Variants in EFCAB13 observed in about 807,000 individuals in gnomAD.
EFCAB13 encodes the protein EF-hand calcium-binding domain-containing protein 13.
Under a neutral mutation model 110.2 loss-of-function variants are expected in EFCAB13, and 91 were observed. The observed-to-expected ratio is 0.83, with a 90% confidence interval of 0.70 to 0.98. EFCAB13 has a LOEUF of 0.98. EFCAB13 is among the 50% of genes least tolerant of loss of function. The probability of loss-of-function intolerance (pLI) is 0.00; values close to 1 mark genes in which losing one functional copy is unlikely to be tolerated. For missense variants in EFCAB13, 968 were observed against 1,119.4 expected (o/e 0.86, Z 1.93); for synonymous variants, 323 against 369.9 (o/e 0.87, Z 1.45).
intron 21 of EFCAB13, among the ~76,000 whole-genome samples, chr17:47,412,570 T>C (rs1004150676): frequency 6.6e-6 from 1 of 152,224 alleles, no homozygotes; most frequent in African/African-American, 2.4e-5. Context: ...ATCATATTAT[T>C]CTCTTTGCCA....
At chr17:47,370,317 T>C in intron 10 of EFCAB13, 120 bp from the exon 11 acceptor site, 3 of 710,470 alleles carry the variant, frequency 4.2e-6, no homozygotes, top group Non-Finnish European at 5.0e-6. Context: ...CAAGACTTTG[T>C]AATAGTTGGC....
chr17:47,382,619 TG>T (rs1172875920), intron 14 of EFCAB13, among the ~76,000 whole-genome samples: 1 of 152,206 alleles, frequency 6.6e-6, no homozygotes, highest in Non-Finnish European at 1.5e-5. Context: ...GATAATCATG[TG>T]GTTTTTGTCA....
chr17:47,333,520 T>C (rs1212740575), intron 4 of EFCAB13, among the ~76,000 whole-genome samples: 1 of 152,182 alleles, frequency 6.6e-6, no homozygotes, highest in Admixed American at 6.5e-5. Context: ...CCCAGACCAA[T>C]GTGGTAGAGC....
intron 11 of EFCAB13, among the ~76,000 whole-genome samples, chr17:47,371,062 G>GTTGTTTT (rs2065581312): frequency 9.2e-6 from 1 of 108,994 alleles, no homozygotes; most frequent in African/African-American, 3.7e-5. Context: ...TTTAATGGTT[G>GTTGTTTT]TTTTTTTTTT....
At chr17:47,363,354 A>C (rs1598734192) in intron 10 of EFCAB13, among the ~76,000 whole-genome samples, 1 of 152,080 alleles carries the variant, frequency 6.6e-6, no homozygotes, top group African/African-American at 2.4e-5. Context: ...GGCATGAGCC[A>C]CTGGGCCCAG....
At chr17:47,350,927 G>A (rs1212666573) in intron 9 of EFCAB13, among the ~76,000 whole-genome samples, 2 of 151,906 alleles carry the variant, frequency 1.3e-5, no homozygotes, top group Admixed American at 6.6e-5. Context: ...TTTTTTATTT[G>A]TATAAATTTA....
intron 23 of EFCAB13, among the ~76,000 whole-genome samples, chr17:47,421,226 T>A (rs1170678387): frequency 2.6e-5 from 4 of 151,972 alleles, no homozygotes; most frequent in Admixed American, 2.6e-4. Context: ...GGGAAAAGAT[T>A]GAGAAATCGG....
intron 20 of EFCAB13, among the ~76,000 whole-genome samples, chr17:47,407,152 G>A (rs943404709): frequency 1.3e-5 from 2 of 152,116 alleles, no homozygotes; most frequent in Non-Finnish European, 1.5e-5. Flanking sequence ...GAGGAATGAA[G>A]GGGACTTTAC....
At chr17:47,412,422 C>T (rs530407570) in intron 21 of EFCAB13, among the ~76,000 whole-genome samples, 1 of 152,302 alleles carries the variant, frequency 6.6e-6, no homozygotes, top group Admixed American at 6.5e-5. Flanking sequence ...GCTTCAATCT[C>T]AAATTTTAGC....
intron 10 of EFCAB13, among the ~76,000 whole-genome samples, chr17:47,368,330 G>A (rs1040516469): frequency 2.6e-5 from 4 of 152,092 alleles, no homozygotes; most frequent in African/African-American, 9.7e-5. Context: ...TGGAACATTC[G>A]TGTCTATTGT....
intron 23 of EFCAB13, among the ~76,000 whole-genome samples, chr17:47,424,163 C>G (rs1330656499): frequency 2.0e-5 from 3 of 152,310 alleles, no homozygotes; most frequent in East Asian, 1.9e-4. Context: ...CCGCCGCCGC[C>G]TAGTCCACCG....
At chr17:47,386,979 A>G (rs1257958130) in intron 14 of EFCAB13, among the ~76,000 whole-genome samples, 3 of 151,458 alleles carry the variant, frequency 2.0e-5, no homozygotes, top group Non-Finnish European at 2.9e-5. Flanking sequence ...CCACTGCCCA[A>G]CCAGTCCCAA....
At chr17:47,338,141 C>T (rs2143244433) in intron 5 of EFCAB13, among the ~76,000 whole-genome samples, 1 of 151,928 alleles carries the variant, frequency 6.6e-6, no homozygotes, top group East Asian at 1.9e-4. Context: ...GAAGGCTCAA[C>T]TTCAATAAGG....
At chr17:47,349,681 A>G (rs1203151054) in intron 9 of EFCAB13, among the ~76,000 whole-genome samples, 1 of 146,168 alleles carries the variant, frequency 6.8e-6, no homozygotes, top group Non-Finnish European at 1.5e-5. Context: ...AGTTTTTTTC[A>G]CTTCTGTTTT....
intron 1 of EFCAB13, 26 bp from the exon 2 acceptor site, chr17:47,324,428 C>T (rs527375816): frequency 6.6e-6 from 1 of 152,146 alleles, no homozygotes; most frequent in South Asian, 2.1e-4. Context: ...CACTCGCTAG[C>T]TTACAGGTCC....
chr17:47,346,001 T>C (rs759282117), intron 8 of EFCAB13, among the ~76,000 whole-genome samples: 8 of 152,224 alleles, frequency 5.3e-5, no homozygotes, highest in Non-Finnish European at 1.0e-4. Context: ...GTCTGAAATC[T>C]ATGAAACTGA....
chr17:47,392,725 G>A (rs1217302423), intron 15 of EFCAB13, among the ~76,000 whole-genome samples: 4 of 152,080 alleles, frequency 2.6e-5, no homozygotes, highest in South Asian at 2.1e-4. Flanking sequence ...GTCTCACTCC[G>A]TATTCAATAA....
intron 10 of EFCAB13, among the ~76,000 whole-genome samples, chr17:47,368,468 G>A (rs2065561895): frequency 6.6e-6 from 1 of 152,170 alleles, no homozygotes; most frequent in Non-Finnish European, 1.5e-5. Flanking sequence ...GTGGTTTGCC[G>A]AGTGGATGGA....
intron 9 of EFCAB13, among the ~76,000 whole-genome samples, chr17:47,349,657 A>G (rs137988950): frequency 9.9e-5 from 15 of 151,172 alleles, no homozygotes; most frequent in Middle Eastern, 3.4e-3. Flanking sequence ...TTTGCTAATA[A>G]TGTTTGCTGA....
Sources: allele counts gnomAD v4.1 joint callset (sites outside exome capture counted in the v4.1 genomes callset), GRCh38; gene constraint gnomAD v4.1.1; transcripts MANE v1.5; gene names NCBI Gene and HGNC (gene_info 2026-07-23, HGNC 2026-07-21).